Variants in CHD9 observed in about 807,000 individuals in gnomAD.
The protein encoded by CHD9 is ATP-dependent chromatin remodeler CHD9.
In CHD9, 77 loss-of-function variants were observed where a neutral mutation model predicts 316.1. That is an observed-to-expected ratio of 0.24 (90% CI 0.20 to 0.29). CHD9 has a LOEUF of 0.29. Ranked by LOEUF, CHD9 falls within the 10% of genes least tolerant of loss-of-function variation. CHD9 has a pLI of 1.00. For synonymous variants in CHD9, 1,129 were observed against 1,158.3 expected (o/e 0.97, Z 0.51); for missense variants, 2,763 against 3,438.1 (o/e 0.80, Z 4.91).
chr16:53,197,299 C>T (rs2045008704), intron 2 of CHD9, among the ~76,000 whole-genome samples: 1 of 152,128 alleles, frequency 6.6e-6, no homozygotes, highest in East Asian at 1.9e-4. Flanking sequence ...TCAAACATTG[C>T]ACAAATGTTA....
chr16:53,254,396 T>C (rs773106324), intron 17 of CHD9, 42 bp from the exon 18 acceptor site: 2 of 1,459,094 alleles, frequency 1.4e-6, no homozygotes, highest in African/African-American at 1.4e-5. Context: ...ATTAAATGCC[T>C]TTTGAGAAAC....
chr16:53,259,521 T>C, intron 19 of CHD9, among the ~76,000 whole-genome samples: 1 of 152,292 alleles, frequency 6.6e-6, no homozygotes, highest in African/African-American at 2.4e-5. Flanking sequence ...GTTTTTGTTT[T>C]TTCTTTTTTG....
At position 53,286,325 on chromosome 16, in the gene CHD9, C is replaced by T. The variant is rs762061891; in HGVS notation, c.5171C>T (p.Ala1724Val). ...AAAGCAGTTGCTGCTGAACAGAGAG[C>T]GAATGATTATATGGATGGGTATGTG... Reference protein sequence around the residue: ...DEKAVAAEQRANDYMDGDVED... With the variant: ...DEKAVAAEQRVNDYMDGDVED... Residue 1724 changes from alanine (A) to valine (V), a missense_variant, in exon 26 of 39, where the codon GCG (alanine) becomes GTG (valine). Coordinates refer to ENST00000447540, the MANE Select transcript of CHD9 (RefSeq NM_001308319.2). 5.6e-6 allele frequency: 9 copies of T among 1,601,854 alleles called. No homozygotes were observed. The Admixed American group carries it at 6.7e-5, about 12-fold the overall frequency.
chr16:53,176,080 A>G (rs2043079530), intron 2 of CHD9, among the ~76,000 whole-genome samples: 3 of 152,252 alleles, frequency 2.0e-5, no homozygotes, highest in Admixed American at 6.5e-5. Flanking sequence ...AGAACAACAC[A>G]TATTTATTAT....
Position 53,219,305 on chromosome 16 carries a change from G to A in CHD9, c.1785-3339G>A, listed in dbSNP as rs184460531. Reference sequence around the variant, plus strand: ...GCAATTAGTTATATGAACATGAAGCGTGGGGAAAAAATCTGAAATAGAGAT... The same window carrying A: ...GCAATTAGTTATATGAACATGAAGCATGGGGAAAAAATCTGAAATAGAGAT... On this transcript the variant is annotated intron_variant, in intron 3 of 38. Coordinates refer to ENST00000447540, the MANE Select transcript of CHD9 (RefSeq NM_001308319.2). Among the ~76,000 whole-genome samples the A allele has an allele frequency of 1.7e-3, 257 of 152,178 alleles. 2 individuals carry two copies. Among genetic ancestry groups the A allele is most frequent in the Non-Finnish European group, 2.7e-3 (185 of 67,988 alleles).
intron 1 of CHD9, among the ~76,000 whole-genome samples, chr16:53,143,127 C>G (rs911103844): frequency 6.6e-6 from 1 of 152,072 alleles, no homozygotes; most frequent in Non-Finnish European, 1.5e-5. Flanking sequence ...GGCCCCACCT[C>G]GAAACACTGT....
chr16:53,143,433 G>C (rs901553801), intron 1 of CHD9, among the ~76,000 whole-genome samples: 1 of 146,864 alleles, frequency 6.8e-6, no homozygotes, highest in African/African-American at 2.5e-5. Flanking sequence ...TGTCGCCCAG[G>C]CTGGAGCACA....
In CHD9 at chr16:53,209,560, A is replaced by G; in HGVS notation, c.1531A>G (p.Lys511Glu). 2.5e-6 allele frequency: 4 copies of G among 1,613,896 alleles called. No homozygotes were observed. Among genetic ancestry groups the G allele is most frequent in the Non-Finnish European group, 3.4e-6 (4 of 1,179,810 alleles). The change falls in exon 3 of 39, where the codon AAG becomes GAG. Residue 511 changes from lysine (K) to glutamate (E), a missense_variant. Lys to Glu is a moderately conservative substitution (Grantham distance 56, BLOSUM62 1). This residue lies in a region of CHD9 where 859 missense variants were observed against 890.4 expected (regional missense o/e 0.96). Coordinates refer to ENST00000447540, the MANE Select transcript of CHD9 (RefSeq NM_001308319.2). ...TACCCAGGTGAGGGTCATGTCTGAGAAGAAGCAGAGAAAAAAGGTGGAATC... is the reference window on the plus strand; with the variant it reads ...TACCCAGGTGAGGGTCATGTCTGAGGAGAAGCAGAGAAAAAAGGTGGAATC... ...QNTQVRVMSE[K>E]KQRKKVESES... is the part of the protein sequence containing the mutation.
chr16:53,181,135 C>T (rs1343348152), intron 2 of CHD9, among the ~76,000 whole-genome samples: 1 of 151,622 alleles, frequency 6.6e-6, no homozygotes, highest in Non-Finnish European at 1.5e-5. Context: ...CTCAGCCTCC[C>T]GAGTAGCTGG....
chr16:53,156,744 G>T lies in CHD9; in HGVS notation c.655G>T (p.Ala219Ser), dbSNP rs750099482. Residue 219 changes from alanine to serine, a missense_variant, in exon 2 of 39, where the codon GCA becomes TCA. Physicochemically the swap from Ala to Ser is moderately conservative, Grantham distance 99 (BLOSUM62 1). Coordinates refer to ENST00000447540, the MANE Select transcript of CHD9 (RefSeq NM_001308319.2). Reference sequence around the variant, plus strand: ...TAACCACCCACCACAGATGACTAATGCATCTAATTCACAACAGTCTATTTC... The same window carrying T: ...TAACCACCCACCACAGATGACTAATTCATCTAATTCACAACAGTCTATTTC... ...NVNHPPQMTN[A>S]SNSQQSISMQ... 5 of 1,613,192 alleles carry T rather than the reference G, an allele frequency of 3.1e-6. No homozygotes were observed. The highest frequency in any genetic ancestry group is 3.4e-6 in the Non-Finnish European group (4 of 1,179,348).
intron 1 of CHD9, among the ~76,000 whole-genome samples, chr16:53,132,075 C>G (rs546439555): frequency 6.6e-6 from 1 of 151,004 alleles, no homozygotes; most frequent in South Asian, 2.1e-4. Flanking sequence ...TCTGTTTGTT[C>G]TTATTTTTAT....
chr16:53,249,785 C>T, intron 16 of CHD9, 86 bp from the exon 17 acceptor site: 1 of 1,044,236 alleles, frequency 9.6e-7, no homozygotes, highest in Non-Finnish European at 1.5e-6. Context: ...CATAATGCTG[C>T]AGGAAAACTG....
intron 13 of CHD9, among the ~76,000 whole-genome samples, chr16:53,243,789 T>A (rs2049312462): frequency 6.6e-6 from 1 of 152,252 alleles, no homozygotes; most frequent in South Asian, 2.1e-4. Flanking sequence ...TTTTTGTTAG[T>A]GTGTTTGCTT....
chr16:53,312,829 G>A (rs1423367423), intron 34 of CHD9, among the ~76,000 whole-genome samples: 1 of 152,188 alleles, frequency 6.6e-6, no homozygotes, highest in Non-Finnish European at 1.5e-5. Flanking sequence ...CAGCTCGCCA[G>A]AAGGCAACAC....
chr16:53,072,947 G>C (rs534747199), intron 1 of CHD9, among the ~76,000 whole-genome samples: 4 of 151,936 alleles, frequency 2.6e-5, no homozygotes, highest in African/African-American at 9.7e-5. Context: ...CACCCGCCTC[G>C]GTCTCCCAAA....
chr16:53,150,206 T>TA (rs1002190232), intron 1 of CHD9, among the ~76,000 whole-genome samples: 8 of 147,170 alleles, frequency 5.4e-5, no homozygotes, highest in African/African-American at 2.0e-4. Context: ...GCCAATTTCT[T>TA]ATATTTAGAT....
At chr16:53,176,953 A>T (rs117396269) in intron 2 of CHD9, among the ~76,000 whole-genome samples, 1 of 152,078 alleles carries the variant, frequency 6.6e-6, no homozygotes, top group Non-Finnish European at 1.5e-5. Flanking sequence ...TTATTTATTT[A>T]ATTTTATATA....
rs375169350 is a variant in CHD9, at chr16:53,305,506, A to T, written c.6620-731A>T. On this transcript the variant is annotated intron_variant, in intron 31 of 38. Transcript: ENST00000447540. ...AATTGAATTAGAAATTTTACACAGTAGTTTATTTGTGATTGTCTTAAATTG... is the reference window on the plus strand; with the variant it reads ...AATTGAATTAGAAATTTTACACAGTTGTTTATTTGTGATTGTCTTAAATTG... Among the ~76,000 whole-genome samples, 3 of 152,382 alleles carry T rather than the reference A, an allele frequency of 2.0e-5. 1 individual carries two copies. Among genetic ancestry groups the T allele is most frequent in the Admixed American group, 1.3e-4 (2 of 15,312 alleles).
chr16:53,121,248 T>C (rs185335890), intron 1 of CHD9: 5 of 419,694 alleles, frequency 1.2e-5, no homozygotes, highest in Admixed American at 1.1e-4. Context: ...TGAATTCACT[T>C]TTTAAATAAC....
Sources: allele counts gnomAD v4.1 joint callset (sites outside exome capture counted in the v4.1 genomes callset), GRCh38; gene constraint gnomAD v4.1.1; regional missense constraint gnomAD v4.1.1; transcripts MANE v1.5; gene names NCBI Gene and HGNC (gene_info 2026-07-23, HGNC 2026-07-21).